GPR89B: variants seen among roughly 807,000 people sequenced by gnomAD.
GPR89B encodes G protein-coupled receptor 89B.
In GPR89B, 25 loss-of-function variants were observed where a neutral mutation model predicts 52.4. That is an observed-to-expected ratio of 0.48 (90% CI 0.35 to 0.67). The LOEUF is 0.67. Among genes scored for constraint, GPR89B ranks in the 30% least tolerant of loss-of-function variants. The pLI is 0.01. For synonymous variants in GPR89B, 52 were observed against 151.2 expected (o/e 0.34, Z 4.81); for missense variants, 146 against 450.2 (o/e 0.32, Z 6.11).
the GPR89B span, among the ~76,000 whole-genome samples, chr1:148,002,257 C>G: frequency 1.6e-3 from 245 of 152,172 alleles, 8 homozygotes; most frequent in Admixed American, 0.016. Context: ...TCCCCAGCAT[C>G]CAGTCCCCAT....
At chr1:147,936,900 A>C (rs587602407) in intron 2 of GPR89B, among the ~76,000 whole-genome samples, 154 of 152,286 alleles carry the variant, frequency 1.0e-3, no homozygotes, top group African/African-American at 3.5e-3. Flanking sequence ...AGTTAGGAGC[A>C]AGGATTATGT....
chr1:147,978,067 G>C (rs1368614756), intron 10 of GPR89B, among the ~76,000 whole-genome samples: 1 of 150,546 alleles, frequency 6.6e-6, no homozygotes, highest in Non-Finnish European at 1.5e-5. Context: ...TGGAGAAGAG[G>C]CACTCTGGCT....
rs1399697085 is a variant in GPR89B at position 147,965,183 on chromosome 1, A to AG, written c.618-1369dup. On this transcript the variant is annotated intron_variant, in intron 7 of 13. Transcript: ENST00000314163. ...TTTCATTCACTCAGTATCCAGGCAA[A>AG]GGTCATTTTCAAAAGGAAACAGTTA... Among the ~76,000 whole-genome samples, 80 of 151,568 alleles carry AG rather than the reference A, an allele frequency of 5.3e-4. No homozygotes were observed. The South Asian group carries it at 0.016, about 31-fold the overall frequency.
chr1:147,989,635 A>C (rs1209028567), intron 12 of GPR89B, among the ~76,000 whole-genome samples: 2 of 151,624 alleles, frequency 1.3e-5, no homozygotes, highest in African/African-American at 4.9e-5. Flanking sequence ...CCTGTGTCCA[A>C]GTGTTCTCAT....
chr1:148,003,144 C>A, the GPR89B span, among the ~76,000 whole-genome samples: 1 of 152,068 alleles, frequency 6.6e-6, no homozygotes, highest in Non-Finnish European at 1.5e-5. Context: ...TTACAAAACA[C>A]AAACCAAATT....
At chr1:148,008,177 C>T in the GPR89B span, among the ~76,000 whole-genome samples, 1 of 152,334 alleles carries the variant, frequency 6.6e-6, no homozygotes, top group East Asian at 1.9e-4. Context: ...AACTTAAACT[C>T]TGCTTCCTTA....
intron 2 of GPR89B, among the ~76,000 whole-genome samples, chr1:147,937,801 A>C (rs2149038167): frequency 6.6e-6 from 1 of 152,274 alleles, no homozygotes; most frequent in South Asian, 2.1e-4. Flanking sequence ...ATGTTTTGCA[A>C]ACAATTTGTA....
At chr1:147,937,665 A>G (rs6680923) in intron 2 of GPR89B, among the ~76,000 whole-genome samples, 3 of 152,200 alleles carry the variant, frequency 2.0e-5, no homozygotes, top group Admixed American at 6.5e-5. Context: ...AAGAAGAAGA[A>G]TATGACTCTA....
rs587718844 is a variant in GPR89B at position 147,936,663 on chromosome 1, C to T, written c.79C>T (p.Arg27Cys). The change falls in exon 2 of 14, where the codon CGC becomes TGC. Residue 27 changes from arginine (R) to cysteine (C), a missense_variant. Transcript: ENST00000314163. ...TGGATTTGGGTGGCTTTTCTTCATG[C>T]GCCAATTGTTTAAAGACTATGAGGT... ...FFGFGWLFFMRQLFKDYEIRQ... is the reference protein window; with the variant it reads ...FFGFGWLFFMCQLFKDYEIRQ... 2.3e-5 allele frequency: 37 copies of T among 1,611,464 alleles called. No homozygotes were observed. The highest frequency in any genetic ancestry group is 1.6e-4 in the Middle Eastern group (1 of 6,074).
the GPR89B span, among the ~76,000 whole-genome samples, chr1:148,002,650 C>A: frequency 6.6e-6 from 1 of 152,132 alleles, no homozygotes; most frequent in Non-Finnish European, 1.5e-5. Context: ...TTGTTCTTCT[C>A]CCTTATACTG....
At chr1:147,991,204 G>T (rs1253310085) in intron 12 of GPR89B, among the ~76,000 whole-genome samples, 1 of 151,392 alleles carries the variant, frequency 6.6e-6, no homozygotes, top group Non-Finnish European at 1.5e-5. Flanking sequence ...TATTCTCTTT[G>T]AAGCAATTGT....
intron 11 of GPR89B, 93 bp from the exon 12 acceptor site, chr1:147,988,339 T>C: frequency 6.4e-7 from 1 of 1,559,904 alleles, no homozygotes; most frequent in Admixed American, 1.7e-5. Flanking sequence ...TAAAGCTCCC[T>C]CTCACAGTCA....
intron 7 of GPR89B, among the ~76,000 whole-genome samples, chr1:147,962,623 G>A (rs1384210769): frequency 2.0e-5 from 3 of 151,574 alleles, no homozygotes; most frequent in Non-Finnish European, 4.4e-5. Context: ...CACGCCAGGC[G>A]CGGTGGCTCA....
intron 5 of GPR89B, among the ~76,000 whole-genome samples, chr1:147,951,521 G>A (rs1227650268): frequency 6.6e-6 from 1 of 151,846 alleles, no homozygotes. Context: ...GTAACTAGAC[G>A]TAAACTCGAA....
chr1:147,961,623 G>A (rs1359145927), intron 7 of GPR89B, among the ~76,000 whole-genome samples: 4 of 152,106 alleles, frequency 2.6e-5, no homozygotes, highest in African/African-American at 9.7e-5. Context: ...TGAGAGCAAC[G>A]TAACAAGACC....
the GPR89B span, among the ~76,000 whole-genome samples, chr1:148,006,437 GA>G: frequency 9.2e-5 from 14 of 152,136 alleles, no homozygotes; most frequent in African/African-American, 2.9e-4. Flanking sequence ...GCTACTTACA[GA>G]AATGCTGTCA....
Position 147,928,474 on chromosome 1 carries a change from C to A in GPR89B, c.-63C>A. The A allele has an allele frequency of 6.2e-7, 1 of 1,600,106 alleles. No homozygotes were observed. Among genetic ancestry groups the A allele is most frequent in the South Asian group, 1.1e-5 (1 of 90,720 alleles). ...GCAGACCGTGTGAGGGGGCCTGTGGCCCCAGCGTGCTGTGGCCTCCGGGAG... is the reference window on the plus strand; with the variant it reads ...GCAGACCGTGTGAGGGGGCCTGTGGACCCAGCGTGCTGTGGCCTCCGGGAG... On this transcript the variant is annotated 5_prime_UTR_variant, in exon 1 of 14. Coordinates refer to ENST00000314163, the MANE Select transcript of GPR89B (RefSeq NM_016334.5).
At chr1:147,930,724 T>TGCCTTTTCGGGTCCTCCTTTAC (rs587662222) in intron 1 of GPR89B, among the ~76,000 whole-genome samples, 3,342 of 152,236 alleles carry the variant, frequency 0.022, 53 homozygotes, top group Non-Finnish European at 0.035. Context: ...CAGGATGAAG[T>TGCCTTTTCGGGTCCTCCTTTAC]TCAAACTCCT....
chr1:148,012,639 A>G, the GPR89B span, among the ~76,000 whole-genome samples: 1 of 152,040 alleles, frequency 6.6e-6, no homozygotes, highest in East Asian at 1.9e-4. Flanking sequence ...TGTCATTAAG[A>G]TGTTGTGAAA....
Sources: allele counts gnomAD v4.1 joint callset (sites outside exome capture counted in the v4.1 genomes callset), GRCh38; gene constraint gnomAD v4.1.1; transcripts MANE v1.5; gene names NCBI Gene and HGNC (gene_info 2026-07-23, HGNC 2026-07-21).